The following CADM2 variants were observed in gnomAD, a reference collection of about 807,000 sequenced individuals.
CADM2 encodes cell adhesion molecule 2, also known as immunoglobulin superfamily member 4D.
A neutral mutation model predicts 49.8 loss-of-function variants in CADM2; 12 were observed. The observed-to-expected ratio is 0.24, with a 90% CI of 0.15 to 0.39. The LOEUF is 0.39. CADM2 is among the 10% of genes least tolerant of loss of function. The pLI, the probability that CADM2 is intolerant of heterozygous loss-of-function variation, is 1.00. For synonymous variants in CADM2, 214 were observed against 175.4 expected (o/e 1.22, Z -1.74); for missense variants, 378 against 492.3 (o/e 0.77, Z 2.20).
chr3:85,125,762 G>A (rs1386584229), intron 1 of CADM2, among the ~76,000 whole-genome samples: 2 of 152,130 alleles, frequency 1.3e-5, no homozygotes, highest in African/African-American at 4.8e-5. Context: ...TAGCATCCTG[G>A]ATCAAAATTA....
At chr3:85,860,297 T>C (rs527644429) in intron 3 of CADM2, among the ~76,000 whole-genome samples, 1 of 152,254 alleles carries the variant, frequency 6.6e-6, no homozygotes, top group South Asian at 2.1e-4. Context: ...AAAAATCCTG[T>C]ATTACATGGA....
At chr3:85,918,463 T>TGGA (rs1718674509) in intron 6 of CADM2, among the ~76,000 whole-genome samples, 1 of 152,194 alleles carries the variant, frequency 6.6e-6, no homozygotes, top group Non-Finnish European at 1.5e-5. Context: ...CATTTATTGA[T>TGGA]TTTCGTATGT....
chr3:85,629,963 G>A lies in CADM2; in HGVS notation c.62-96559G>A, dbSNP rs561785279. ...TTAATTCATGTCAAATGCTCATTAA[G>A]TGTTTCTTTTTGTAGAATTTTATCT... On this transcript the variant is annotated intron_variant, in intron 1 of 9. Transcript: ENST00000383699. 3.3e-5 allele frequency among the ~76,000 whole-genome samples: 5 copies of A among 152,056 alleles called. No individual in the cohort carries two copies. The East Asian group carries it at 9.7e-4, about 29-fold the overall frequency.
At chr3:85,105,985 C>A (rs571234942) in intron 1 of CADM2, among the ~76,000 whole-genome samples, 2 of 152,082 alleles carry the variant, frequency 1.3e-5, no homozygotes, top group African/African-American at 4.8e-5. Context: ...AGGAGATATA[C>A]CTAATGCTAA....
intron 3 of CADM2, among the ~76,000 whole-genome samples, chr3:85,833,337 G>A (rs187560966): frequency 1.4e-3 from 207 of 151,752 alleles, no homozygotes; most frequent in Non-Finnish European, 2.0e-3. Flanking sequence ...TCAGGGTGAT[G>A]CTGGCTTCAT....
At chr3:85,744,888 G>A (rs2068551824) in intron 2 of CADM2, among the ~76,000 whole-genome samples, 1 of 152,144 alleles carries the variant, frequency 6.6e-6, no homozygotes, top group Non-Finnish European at 1.5e-5. Context: ...GCATTGGCAG[G>A]GCAGCGGAAG....
chr3:85,300,653 CA>C (rs1415797575), intron 1 of CADM2, among the ~76,000 whole-genome samples: 2 of 152,060 alleles, frequency 1.3e-5, no homozygotes, highest in Non-Finnish European at 2.9e-5. Context: ...GGAACAACCA[CA>C]GAGCTATTAC....
At chr3:85,157,329 G>GA (rs1410722052) in intron 1 of CADM2, among the ~76,000 whole-genome samples, 1 of 150,786 alleles carries the variant, frequency 6.6e-6, no homozygotes, top group Non-Finnish European at 1.5e-5. Context: ...CACAGAATTG[G>GA]AAAAAACTAC....
chr3:85,853,238 A>G (rs2075173983), intron 3 of CADM2, among the ~76,000 whole-genome samples: 1 of 151,986 alleles, frequency 6.6e-6, no homozygotes, highest in South Asian at 2.1e-4. Context: ...TACATTTTCT[A>G]CATAACCATT....
intron 1 of CADM2, among the ~76,000 whole-genome samples, chr3:85,300,252 G>C (rs993911680): frequency 6.6e-6 from 1 of 152,020 alleles, no homozygotes; most frequent in Non-Finnish European, 1.5e-5. Flanking sequence ...CTGGGAAGAA[G>C]GTTTCACAGA....
At chr3:85,564,019 T>A (rs1010913853) in intron 1 of CADM2, among the ~76,000 whole-genome samples, 1 of 152,150 alleles carries the variant, frequency 6.6e-6, no homozygotes, top group African/African-American at 2.4e-5. Context: ...GAATTTTAAT[T>A]GTTTGTTTTG....
chr3:85,133,467 TAC>T (rs1327359954), intron 1 of CADM2, among the ~76,000 whole-genome samples: 1 of 152,148 alleles, frequency 6.6e-6, no homozygotes, highest in Admixed American at 6.5e-5. Context: ...AGTAGCCAGA[TAC>T]AGTGTCGATT....
intron 3 of CADM2, among the ~76,000 whole-genome samples, chr3:85,868,624 T>C (rs1425689257): frequency 1.3e-5 from 2 of 152,198 alleles, no homozygotes; most frequent in South Asian, 2.1e-4. Context: ...TCCTTTGTTT[T>C]TGAGATTTAA....
At chr3:85,870,055 A>G (rs894237398) in intron 3 of CADM2, among the ~76,000 whole-genome samples, 4 of 152,168 alleles carry the variant, frequency 2.6e-5, no homozygotes, top group Admixed American at 6.5e-5. Flanking sequence ...TTACTTTTAT[A>G]CTGTTAACTT....
At chr3:85,987,286 T>A (rs1368917840) in intron 8 of CADM2, among the ~76,000 whole-genome samples, 1 of 152,016 alleles carries the variant, frequency 6.6e-6, no homozygotes, top group Non-Finnish European at 1.5e-5. Context: ...ACATCAAACA[T>A]TTTTTAAAGT....
chr3:85,182,288 G>A (rs1021285990), intron 1 of CADM2, among the ~76,000 whole-genome samples: 2 of 151,996 alleles, frequency 1.3e-5, no homozygotes, highest in Non-Finnish European at 1.5e-5. Flanking sequence ...ATAGAATCTG[G>A]AAAGGGATAA....
At chr3:85,891,981 C>T (rs1484162334) in intron 5 of CADM2, among the ~76,000 whole-genome samples, 1 of 152,166 alleles carries the variant, frequency 6.6e-6, no homozygotes, top group Non-Finnish European at 1.5e-5. Context: ...TAATGTGTTA[C>T]ACAGCAGTAT....
intron 1 of CADM2, among the ~76,000 whole-genome samples, chr3:85,385,311 T>G (rs2034158250): frequency 6.6e-6 from 1 of 152,040 alleles, no homozygotes; most frequent in Non-Finnish European, 1.5e-5. Flanking sequence ...ATATGCTGAA[T>G]TTTTCAAAAC....
chr3:85,525,521 A>G (rs1010872200), intron 1 of CADM2, among the ~76,000 whole-genome samples: 2 of 151,938 alleles, frequency 1.3e-5, no homozygotes, highest in African/African-American at 4.8e-5. Flanking sequence ...AGTTTATCCT[A>G]TTTGTGTCTT....
Sources: allele counts gnomAD v4.1 joint callset (sites outside exome capture counted in the v4.1 genomes callset), GRCh38; gene constraint gnomAD v4.1.1; transcripts MANE v1.5; gene names NCBI Gene and HGNC (gene_info 2026-07-23, HGNC 2026-07-21).